PABPC4L: variants seen among roughly 807,000 people sequenced by gnomAD.
PABPC4L encodes poly(A) binding protein cytoplasmic 4 like, also known as polyadenylate-binding protein 4-like.
For missense variants in PABPC4L, 452 were observed against 451.4 expected, an observed-to-expected ratio of 1.00 and a Z score of -0.01; for synonymous variants, 169 against 164.1, an observed-to-expected ratio of 1.03 and a Z score of -0.23.
the PABPC4L span, among the ~76,000 whole-genome samples, chr4:134,092,155 G>T: frequency 6.6e-6 from 1 of 151,868 alleles, no homozygotes; most frequent in Admixed American, 6.6e-5. Context: ...ACAAGCCTGG[G>T]CCCACAGCCC....
the PABPC4L span, among the ~76,000 whole-genome samples, chr4:134,089,477 C>T: frequency 2.4e-4 from 37 of 152,024 alleles, 2 homozygotes; most frequent in Admixed American, 5.2e-4. Context: ...CAAATAATGA[C>T]ACTTAGCTAC....
chr4:134,122,007 C>T, the PABPC4L span, among the ~76,000 whole-genome samples: 39 of 151,852 alleles, frequency 2.6e-4, no homozygotes, highest in Non-Finnish European at 5.0e-4. Flanking sequence ...TAACTTCAAA[C>T]TTATAATTTT....
chr4:134,173,550 G>A, the PABPC4L span, among the ~76,000 whole-genome samples: 8 of 152,206 alleles, frequency 5.3e-5, no homozygotes, highest in African/African-American at 1.2e-4. Context: ...GGTTACCAGA[G>A]GCTGGGAATG....
At chr4:134,145,200 G>A in the PABPC4L span, among the ~76,000 whole-genome samples, 1 of 151,728 alleles carries the variant, frequency 6.6e-6, no homozygotes, top group Non-Finnish European at 1.5e-5. Context: ...TAAGATGTTA[G>A]CAAAATGATT....
the PABPC4L span, among the ~76,000 whole-genome samples, chr4:134,047,718 G>C: frequency 6.6e-6 from 1 of 152,042 alleles, no homozygotes; most frequent in Non-Finnish European, 1.5e-5. Context: ...CCCTCCCGAG[G>C]GTTGTGAGGG....
At chr4:133,981,514 G>GT in the PABPC4L span, among the ~76,000 whole-genome samples, 1 of 152,040 alleles carries the variant, frequency 6.6e-6, no homozygotes, top group East Asian at 1.9e-4. Flanking sequence ...ATTCTAAGTG[G>GT]TTATTTAGCA....
the PABPC4L span, among the ~76,000 whole-genome samples, chr4:134,003,183 G>C: frequency 2.0e-5 from 3 of 152,034 alleles, no homozygotes; most frequent in African/African-American, 7.2e-5. Context: ...GTCTCACAGT[G>C]TCCTTAACAA....
chr4:133,961,865 C>A, the PABPC4L span, among the ~76,000 whole-genome samples: 3 of 152,120 alleles, frequency 2.0e-5, no homozygotes, highest in Non-Finnish European at 4.4e-5. Context: ...CCTGCCTGGG[C>A]TAAGTGCCCA....
the PABPC4L span, among the ~76,000 whole-genome samples, chr4:134,089,442 A>C: frequency 1.3e-5 from 2 of 152,052 alleles, no homozygotes; most frequent in African/African-American, 4.8e-5. Context: ...ATTTACTATT[A>C]GTGTTTTACA....
At chr4:134,059,385 A>AATAT in the PABPC4L span, among the ~76,000 whole-genome samples, 1 of 103,358 alleles carries the variant, frequency 9.7e-6, no homozygotes, top group South Asian at 3.1e-4. Flanking sequence ...TAGGAAACAA[A>AATAT]CTATATATAT....
At chr4:134,017,614 A>G in the PABPC4L span, among the ~76,000 whole-genome samples, 43 of 152,270 alleles carry the variant, frequency 2.8e-4, no homozygotes, top group African/African-American at 9.1e-4. Context: ...AATCTCCTTA[A>G]GCACTCTCTA....
At chr4:133,963,751 GA>G in the PABPC4L span, among the ~76,000 whole-genome samples, 1 of 151,918 alleles carries the variant, frequency 6.6e-6, no homozygotes, top group Non-Finnish European at 1.5e-5. Flanking sequence ...AAATCAAGAT[GA>G]AAATTTAAAA....
At chr4:133,965,281 C>T in the PABPC4L span, among the ~76,000 whole-genome samples, 1 of 151,932 alleles carries the variant, frequency 6.6e-6, no homozygotes, top group African/African-American at 2.4e-5. Context: ...AAGACCTCTA[C>T]AAAGAAAACT....
chr4:134,143,968 C>T, the PABPC4L span, among the ~76,000 whole-genome samples: 4 of 151,384 alleles, frequency 2.6e-5, no homozygotes, highest in African/African-American at 7.3e-5. Context: ...AAGAAATGTG[C>T]AAAATAGATC....
At chr4:134,013,489 C>T in the PABPC4L span, among the ~76,000 whole-genome samples, 1 of 152,074 alleles carries the variant, frequency 6.6e-6, no homozygotes, top group African/African-American at 2.4e-5. Flanking sequence ...CTTCAACTCT[C>T]ACCTGACCTA....
the PABPC4L span, among the ~76,000 whole-genome samples, chr4:134,057,618 C>T: frequency 1.3e-5 from 2 of 152,084 alleles, no homozygotes; most frequent in Non-Finnish European, 2.9e-5. Flanking sequence ...TGACACCACC[C>T]TGAAGGGAGC....
chr4:134,065,562 G>A, the PABPC4L span, among the ~76,000 whole-genome samples: 1 of 151,898 alleles, frequency 6.6e-6, no homozygotes, highest in Non-Finnish European at 1.5e-5. Context: ...TTCCATTCTG[G>A]AGGTAGTCTG....
the PABPC4L span, among the ~76,000 whole-genome samples, chr4:134,164,162 C>T: frequency 5.7e-5 from 8 of 140,314 alleles, no homozygotes; most frequent in Middle Eastern, 3.9e-3. Flanking sequence ...ACTTGGGAGG[C>T]TGAGGCAGGA....
At chr4:134,048,357 T>G in the PABPC4L span, among the ~76,000 whole-genome samples, 6 of 152,262 alleles carry the variant, frequency 3.9e-5, no homozygotes, top group Admixed American at 3.3e-4. Context: ...TCATTCACCA[T>G]GCAATGCAGT....
Sources: gnomAD v4.1 joint callset for allele counts (sites outside exome capture counted in the v4.1 genomes callset) on GRCh38, gnomAD v4.1.1 for gene constraint, MANE v1.5 for transcripts, NCBI Gene and HGNC (gene_info 2026-07-23, HGNC 2026-07-21) for gene names.